Variants in WDR70 observed in about 807,000 individuals in gnomAD.
WDR70 encodes the protein WD repeat-containing protein 70.
In WDR70, 53 loss-of-function variants were observed where a neutral mutation model predicts 88.6. The observed-to-expected ratio is 0.60, with a 90% CI of 0.48 to 0.75. The LOEUF is 0.75. WDR70 is among the 30% of genes least tolerant of loss of function. The pLI, the probability that WDR70 is intolerant of heterozygous loss-of-function variation, is 0.00. For synonymous variants in WDR70, 280 were observed against 270.0 expected (o/e 1.04, Z -0.36); for missense variants, 610 against 823.2 (o/e 0.74, Z 3.17).
intron 9 of WDR70, among the ~76,000 whole-genome samples, chr5:37,586,424 T>C (rs1743365950): frequency 6.6e-6 from 1 of 152,184 alleles, no homozygotes; most frequent in African/African-American, 2.4e-5. Flanking sequence ...TTTTTTATTA[T>C]TATACTTTAA....
chr5:37,493,970 C>A (rs531163828), intron 8 of WDR70, among the ~76,000 whole-genome samples: 6 of 152,008 alleles, frequency 3.9e-5, no homozygotes, highest in Non-Finnish European at 7.4e-5. Context: ...AGGTGCCCAC[C>A]ACCATGCCTG....
chr5:37,453,095 T>G (rs1381541658), intron 7 of WDR70, among the ~76,000 whole-genome samples: 2 of 152,240 alleles, frequency 1.3e-5, no homozygotes, highest in Non-Finnish European at 2.9e-5. Context: ...AAAAAATGCT[T>G]TTCTTTTGTT....
At chr5:37,655,132 G>C (rs932357227) in intron 10 of WDR70, among the ~76,000 whole-genome samples, 1 of 152,108 alleles carries the variant, frequency 6.6e-6, no homozygotes, top group Non-Finnish European at 1.5e-5. Context: ...CTCTTGTAAG[G>C]CAGGCTGGTG....
At chr5:37,687,850 G>T in intron 10 of WDR70, 1 of 615,174 alleles carries the variant, frequency 1.6e-6, no homozygotes, top group Admixed American at 2.2e-5. Context: ...GAAAAGCACA[G>T]GGAAGGAAGA....
chr5:37,549,074 T>C (rs942935837), intron 9 of WDR70, among the ~76,000 whole-genome samples: 3 of 152,206 alleles, frequency 2.0e-5, no homozygotes, highest in Non-Finnish European at 4.4e-5. Flanking sequence ...TCAGGTAATG[T>C]GATTCCTCCA....
At chr5:37,513,390 T>A (rs1471238491) in intron 8 of WDR70, among the ~76,000 whole-genome samples, 2 of 151,998 alleles carry the variant, frequency 1.3e-5, no homozygotes, top group African/African-American at 4.8e-5. Flanking sequence ...AAGGCCCTGA[T>A]ATGGAGCAGA....
intron 9 of WDR70, among the ~76,000 whole-genome samples, chr5:37,542,983 G>A (rs989868252): frequency 4.6e-5 from 7 of 152,192 alleles, no homozygotes; most frequent in East Asian, 1.9e-4. Context: ...TGGTGTGTCC[G>A]TTTGGAGCAC....
At chr5:37,472,894 A>G (rs549865846) in intron 7 of WDR70, among the ~76,000 whole-genome samples, 46 of 152,178 alleles carry the variant, frequency 3.0e-4, no homozygotes, top group East Asian at 5.8e-4. Flanking sequence ...TGCTATGAAC[A>G]TACCTAAGAA....
intron 9 of WDR70, among the ~76,000 whole-genome samples, chr5:37,533,971 T>G (rs1741577743): frequency 6.6e-6 from 1 of 152,162 alleles, no homozygotes; most frequent in African/African-American, 2.4e-5. Context: ...TTACAGTTTT[T>G]CGGTGACTCA....
At chr5:37,386,751 A>G (rs1748629438) in intron 3 of WDR70, among the ~76,000 whole-genome samples, 1 of 152,146 alleles carries the variant, frequency 6.6e-6, no homozygotes, top group Admixed American at 6.6e-5. Flanking sequence ...TTAGACCTGT[A>G]ATACTGTCTT....
intron 7 of WDR70, among the ~76,000 whole-genome samples, chr5:37,459,336 A>G (rs1248652243): frequency 2.7e-5 from 4 of 148,256 alleles, no homozygotes; most frequent in African/African-American, 7.3e-5. Context: ...GTAGATGTCT[A>G]TTAGGTCCGC....
At chr5:37,401,920 CTT>C (rs1749207613) in intron 5 of WDR70, among the ~76,000 whole-genome samples, 1 of 152,146 alleles carries the variant, frequency 6.6e-6, no homozygotes, top group Non-Finnish European at 1.5e-5. Context: ...CTGATCATCT[CTT>C]TGTGTTGGCA....
chr5:37,529,263 C>T (rs1741407474), intron 9 of WDR70, among the ~76,000 whole-genome samples: 1 of 152,032 alleles, frequency 6.6e-6, no homozygotes, highest in Non-Finnish European at 1.5e-5. Context: ...GTGATGCCTC[C>T]AGATTTGTTG....
chr5:37,533,908 G>A (rs1019748389), intron 9 of WDR70, among the ~76,000 whole-genome samples: 3 of 152,128 alleles, frequency 2.0e-5, no homozygotes, highest in African/African-American at 7.2e-5. Flanking sequence ...TGGTGACCAG[G>A]GCTGAGAACT....
intron 16 of WDR70, 97 bp downstream of exon 16, chr5:37,725,147 C>G (rs894633450): frequency 3.0e-5 from 29 of 960,434 alleles, no homozygotes; most frequent in Admixed American, 6.8e-5. Flanking sequence ...CTGGATGCTT[C>G]TTTGTCTTCA....
chr5:37,502,161 G>C (rs56775633), intron 8 of WDR70, among the ~76,000 whole-genome samples: 2 of 151,936 alleles, frequency 1.3e-5, no homozygotes, highest in African/African-American at 4.8e-5. Flanking sequence ...CCTTGGTTAA[G>C]TATACTGCTA....
chr5:37,447,792 T>C (rs1416083221), intron 7 of WDR70, among the ~76,000 whole-genome samples: 1 of 152,132 alleles, frequency 6.6e-6, no homozygotes, highest in Non-Finnish European at 1.5e-5. Context: ...TGTCATGGGA[T>C]GCGGGGAGGA....
At chr5:37,706,739 G>GCACA (rs201719090) in intron 13 of WDR70, among the ~76,000 whole-genome samples, 13 of 132,624 alleles carry the variant, frequency 9.8e-5, no homozygotes, top group South Asian at 4.9e-4. Context: ...ACACACACAC[G>GCACA]CACACAGACT....
intron 10 of WDR70, among the ~76,000 whole-genome samples, chr5:37,657,492 T>A (rs6868428): frequency 0.47 from 71,050 of 151,968 alleles, 18,163 homozygotes; most frequent in Non-Finnish European, 0.58. Context: ...ATTAAAAGAG[T>A]GAACTTGCTA....
Sources: gnomAD v4.1 joint callset for allele counts (sites outside exome capture counted in the v4.1 genomes callset) on GRCh38, gnomAD v4.1.1 for gene constraint, MANE v1.5 for transcripts, NCBI Gene and HGNC (gene_info 2026-07-23, HGNC 2026-07-21) for gene names.